Variants in PPIL3 observed in about 807,000 individuals in gnomAD.
PPIL3 encodes peptidylprolyl isomerase like 3, also known as peptidyl-prolyl cis-trans isomerase-like 3.
A neutral mutation model predicts 20.9 loss-of-function variants in PPIL3; 13 were observed. That is an observed-to-expected ratio of 0.62 (90% CI 0.40 to 0.99). The LOEUF is 0.99. Among genes scored for constraint, PPIL3 ranks in the 50% least tolerant of loss-of-function variants. PPIL3 has a pLI of 0.00. For synonymous variants in PPIL3, 71 were observed against 64.4 expected, an observed-to-expected ratio of 1.10 and a Z score of -0.49; for missense variants, 170 against 195.2, an observed-to-expected ratio of 0.87 and a Z score of 0.77.
At position 200,871,546 on chromosome 2, in the gene PPIL3, T is replaced by C. The variant is rs760115464; in HGVS notation, c.360-25A>G. ...CCTGAAAGAGAAACAACATAACATA[T>C]GAAAATTTCCTTAAATTGAAACATG... On this transcript the variant is annotated intron_variant, in intron 6 of 6. Coordinates refer to ENST00000392283, the MANE Select transcript of PPIL3 (RefSeq NM_130906.3). The C allele has an allele frequency of 8.2e-6, 13 of 1,594,068 alleles. No individual in the cohort carries two copies. In the South Asian group the frequency reaches 1.0e-4, roughly 12 times the overall value.
chr2:200,874,016 T>C (rs111757583), intron 6 of PPIL3, among the ~76,000 whole-genome samples: 2,109 of 151,218 alleles, frequency 0.014, 52 homozygotes, highest in African/African-American at 0.046. Flanking sequence ...CCATCCTGGC[T>C]AACATGGTGA....
chr2:200,877,633 C>T (rs2039570826), intron 5 of PPIL3: 1 of 152,144 alleles, frequency 6.6e-6, no homozygotes, highest in Admixed American at 6.5e-5. Flanking sequence ...TGGACTAGTT[C>T]AAGGGTCTAT....
intron 2 of PPIL3, 60 bp downstream of exon 2, chr2:200,887,553 C>T (rs1359472273): frequency 7.3e-7 from 1 of 1,365,236 alleles, no homozygotes; most frequent in South Asian, 1.2e-5. Flanking sequence ...TTGCCCTTGA[C>T]TGAATTTCTA....
chr2:200,876,105 T>C (rs1039208246), intron 6 of PPIL3, among the ~76,000 whole-genome samples: 5 of 151,878 alleles, frequency 3.3e-5, no homozygotes, highest in Admixed American at 2.6e-4. Context: ...CTGGGCAACA[T>C]AGTGAGACCA....
intron 5 of PPIL3, among the ~76,000 whole-genome samples, chr2:200,879,445 CA>C (rs2039639550): frequency 6.6e-6 from 1 of 152,088 alleles, no homozygotes; most frequent in Non-Finnish European, 1.5e-5. Flanking sequence ...ACTCTGCCTG[CA>C]AAAGAATCAT....
rs2039999073 is a variant in PPIL3 at position 200,887,698 on chromosome 2, GA to G, written c.-70-14del. On this transcript the variant is annotated splice_polypyrimidine_tract_variant and intron_variant, in intron 1 of 6. Transcript: ENST00000392283. ...CAAAAATAAGTCTCTAGTCCCAAAAGAAAAAAAGAATTAGGCTCATTTTCCT... is the reference window on the plus strand; with the variant it reads ...CAAAAATAAGTCTCTAGTCCCAAAAGAAAAAAGAATTAGGCTCATTTTCCT... 1.2e-5 allele frequency: 14 copies of G among 1,152,394 alleles called. No individual in the cohort carries two copies. Among genetic ancestry groups the G allele is most frequent in the South Asian group, 8.6e-5 (6 of 69,772 alleles). The allele number at this position is 1,152,394 out of a possible 1,614,324, so 71.4% of individuals were successfully genotyped here.
chr2:200,887,177 G>A (rs1361785595), intron 2 of PPIL3, among the ~76,000 whole-genome samples: 1 of 152,050 alleles, frequency 6.6e-6, no homozygotes, highest in Non-Finnish European at 1.5e-5. Context: ...CTGAGGTCAG[G>A]AGTTCGAGAC....
chr2:200,886,375 T>C (rs943684274), intron 2 of PPIL3, among the ~76,000 whole-genome samples: 1 of 152,132 alleles, frequency 6.6e-6, no homozygotes, highest in Non-Finnish European at 1.5e-5. Flanking sequence ...CTTGATATGA[T>C]ACTGTATTCC....
chr2:200,884,688 C>G (rs1023929944), intron 3 of PPIL3, among the ~76,000 whole-genome samples: 4 of 151,582 alleles, frequency 2.6e-5, no homozygotes, highest in Non-Finnish European at 5.9e-5. Context: ...TGCAATGAGC[C>G]GTGATTGCAC....
At chr2:200,875,359 C>A (rs2039470193) in intron 6 of PPIL3, among the ~76,000 whole-genome samples, 1 of 152,156 alleles carries the variant, frequency 6.6e-6, no homozygotes, top group South Asian at 2.1e-4. Context: ...TCTCCACCTC[C>A]AGGGTTCAAG....
chr2:200,881,272 C>T (rs2039710322), intron 5 of PPIL3, 149 bp downstream of exon 5: 2 of 622,922 alleles, frequency 3.2e-6, no homozygotes, highest in Non-Finnish European at 5.4e-6. Flanking sequence ...CTCAAGTCTC[C>T]CCGACATCAT....
At chr2:200,873,486 G>A (rs1435927872) in intron 6 of PPIL3, among the ~76,000 whole-genome samples, 4 of 151,978 alleles carry the variant, frequency 2.6e-5, no homozygotes, top group African/African-American at 9.7e-5. Context: ...CACCACGTCT[G>A]GCCTAATTAT....
chr2:200,885,068 G>GA (rs1161456179), intron 3 of PPIL3: 4,308 of 50,118 alleles, frequency 0.086, 157 homozygotes, highest in Middle Eastern at 0.12. Context: ...TCCGTCTTGA[G>GA]AAAAAAAAAA....
chr2:200,883,213 C>T (rs1228100052), intron 3 of PPIL3, among the ~76,000 whole-genome samples: 3 of 150,578 alleles, frequency 2.0e-5, no homozygotes, highest in Non-Finnish European at 3.0e-5. Context: ...CTCAGCCACC[C>T]GAAGTGCTGG....
chr2:200,876,143 G>GTT (rs537988969), intron 6 of PPIL3, among the ~76,000 whole-genome samples: 14 of 137,922 alleles, frequency 1.0e-4, no homozygotes, highest in South Asian at 4.6e-4. Context: ...TGTTTTTTTT[G>GTT]TTTTTTTTTT....
chr2:200,883,914 CACA>C (rs2039830119), intron 3 of PPIL3, among the ~76,000 whole-genome samples: 1 of 152,116 alleles, frequency 6.6e-6, no homozygotes, highest in African/African-American at 2.4e-5. Context: ...AGGGTCACAC[CACA>C]ACATCTGGCT....
chr2:200,889,003 A>G lies in PPIL3; in HGVS notation c.-118T>C. ...GCACAGCCGTTGTTAAAACAGGAAAAATGCAATCGCAGATGCCAGCAGAGG... is the reference window on the plus strand; with the variant it reads ...GCACAGCCGTTGTTAAAACAGGAAAGATGCAATCGCAGATGCCAGCAGAGG... On this transcript the variant is annotated 5_prime_UTR_variant, in exon 1 of 7. Transcript: ENST00000392283. 1 of 471,166 alleles carries G rather than the reference A, an allele frequency of 2.1e-6. No homozygotes were observed. Among genetic ancestry groups the G allele is most frequent in the South Asian group, 1.5e-5 (1 of 64,572 alleles). 29.2% of individuals were successfully genotyped at this position (471,166 alleles called of 1,614,324 possible).
At chr2:200,883,775 CGTTTT>C (rs2039825337) in intron 3 of PPIL3, among the ~76,000 whole-genome samples, 1 of 152,106 alleles carries the variant, frequency 6.6e-6, no homozygotes, top group Admixed American at 6.6e-5. Flanking sequence ...TTTCTTGTTT[CGTTTT>C]GAGACAGGGT....
Position 200,887,637 on chromosome 2 carries a change from G to A in PPIL3, c.-22C>T. Reference sequence around the variant, plus strand: ...CCATTTTTCCTCTTAGTGGTTTCAGGAAGGACTACGTGATTTCTCAGTCTT... The same window carrying A: ...CCATTTTTCCTCTTAGTGGTTTCAGAAAGGACTACGTGATTTCTCAGTCTT... On this transcript the variant is annotated 5_prime_UTR_variant, in exon 2 of 7. Coordinates refer to ENST00000392283, the MANE Select transcript of PPIL3 (RefSeq NM_130906.3). The A allele has an allele frequency of 2.5e-6, 4 of 1,597,106 alleles. No homozygotes were observed. The highest frequency in any genetic ancestry group is 1.3e-5 in the African/African-American group (1 of 74,416).
Sources: gnomAD v4.1 joint callset for allele counts (sites outside exome capture counted in the v4.1 genomes callset) on GRCh38, gnomAD v4.1.1 for gene constraint, MANE v1.5 for transcripts, NCBI Gene and HGNC (gene_info 2026-07-23, HGNC 2026-07-21) for gene names.